The following CNTNAP2 variants were observed in gnomAD, a reference collection of about 807,000 sequenced individuals.
CNTNAP2 encodes contactin-associated protein-like 2.
Under a neutral mutation model 155.2 loss-of-function variants are expected in CNTNAP2, and 98 were observed. The observed-to-expected ratio is 0.63, with a 90% CI of 0.54 to 0.75. The LOEUF is 0.75. Among genes scored for constraint, CNTNAP2 ranks in the 30% least tolerant of loss-of-function variants. The pLI, the probability that CNTNAP2 is intolerant of heterozygous loss-of-function variation, is 0.00. For synonymous variants in CNTNAP2, 651 were observed against 631.2 expected, an observed-to-expected ratio of 1.03 and a Z score of -0.47; for missense variants, 1,727 against 1,688.1, an observed-to-expected ratio of 1.02 and a Z score of -0.40.
intron 8 of CNTNAP2, among the ~76,000 whole-genome samples, chr7:147,263,550 T>C (rs1031246182): frequency 6.6e-6 from 1 of 152,200 alleles, no homozygotes; most frequent in Admixed American, 6.5e-5. Flanking sequence ...TATTGATTTG[T>C]CATCTCCTTT....
rs531434526 is a variant in CNTNAP2 at position 146,519,037 on chromosome 7, G to A, written c.98-255234G>A. On this transcript the variant is annotated intron_variant, in intron 1 of 23. Transcript: ENST00000361727. ...CTACATTAAACAGTTTATAATAATCGTTGTTATGCTTTTTTGGATTCACAT... is the reference window on the plus strand; with the variant it reads ...CTACATTAAACAGTTTATAATAATCATTGTTATGCTTTTTTGGATTCACAT... 2.2e-4 allele frequency among the ~76,000 whole-genome samples: 34 copies of A among 151,922 alleles called. No homozygotes were observed. In the South Asian group the frequency reaches 5.8e-3, roughly 26 times the overall value.
chr7:147,785,766 T>C (rs1021394803), intron 13 of CNTNAP2, among the ~76,000 whole-genome samples: 2 of 152,076 alleles, frequency 1.3e-5, no homozygotes, highest in East Asian at 3.9e-4. Context: ...CCAAGGCATA[T>C]GGATCACCTG....
intron 13 of CNTNAP2, among the ~76,000 whole-genome samples, chr7:147,788,902 T>TTTA (rs1301515665): frequency 8.6e-6 from 1 of 115,926 alleles, no homozygotes; most frequent in Non-Finnish European, 1.9e-5. Context: ...TTCTTTTTCT[T>TTTA]TTTTTTTTTT....
intron 15 of CNTNAP2, among the ~76,000 whole-genome samples, chr7:148,117,642 A>G (rs965962155): frequency 1.5e-4 from 23 of 152,116 alleles, no homozygotes; most frequent in African/African-American, 5.6e-4. Context: ...ACCAGTACAT[A>G]TGCAGGAGTT....
At chr7:146,569,190 G>T (rs1798403936) in intron 1 of CNTNAP2, among the ~76,000 whole-genome samples, 1 of 151,914 alleles carries the variant, frequency 6.6e-6, no homozygotes, top group Admixed American at 6.6e-5. Context: ...CTAATTTTTT[G>T]TATTTTTAGT....
chr7:146,502,815 A>G (rs1229219494), intron 1 of CNTNAP2, among the ~76,000 whole-genome samples: 1 of 152,120 alleles, frequency 6.6e-6, no homozygotes, highest in Non-Finnish European at 1.5e-5. Context: ...AGGTTTTGTC[A>G]TGTTGGCCAG....
At chr7:147,054,334 G>A (rs1799522512) in intron 4 of CNTNAP2, among the ~76,000 whole-genome samples, 1 of 152,094 alleles carries the variant, frequency 6.6e-6, no homozygotes, top group Non-Finnish European at 1.5e-5. Flanking sequence ...AGAACAGCTT[G>A]CAAATAAACA....
At chr7:147,989,720 G>A (rs1389680300) in intron 15 of CNTNAP2, among the ~76,000 whole-genome samples, 1 of 152,136 alleles carries the variant, frequency 6.6e-6, no homozygotes, top group Non-Finnish European at 1.5e-5. Flanking sequence ...TGAGTCCCCA[G>A]GGACAATGTC....
intron 3 of CNTNAP2, among the ~76,000 whole-genome samples, chr7:146,901,946 G>A (rs1240438417): frequency 6.8e-6 from 1 of 147,794 alleles, no homozygotes; most frequent in Non-Finnish European, 1.5e-5. Context: ...TGCGATCTCG[G>A]CTCACTGCAA....
chr7:147,608,840 T>G (rs576475964), intron 12 of CNTNAP2, among the ~76,000 whole-genome samples: 1 of 151,816 alleles, frequency 6.6e-6, no homozygotes, highest in Middle Eastern at 3.4e-3. Context: ...GTGGGGCCGT[T>G]TTATAGGATT....
chr7:146,930,423 G>C (rs1011969579), intron 3 of CNTNAP2, among the ~76,000 whole-genome samples: 5 of 152,026 alleles, frequency 3.3e-5, no homozygotes, highest in African/African-American at 4.8e-5. Flanking sequence ...TGCCCTAAAA[G>C]AGCTCCTGAA....
chr7:146,325,280 A>C (rs1801077523), intron 1 of CNTNAP2, among the ~76,000 whole-genome samples: 1 of 152,186 alleles, frequency 6.6e-6, no homozygotes, highest in African/African-American at 2.4e-5. Context: ...AATCTTGATG[A>C]GTTTTAAAAA....
intron 13 of CNTNAP2, among the ~76,000 whole-genome samples, chr7:147,644,020 A>G (rs1795326591): frequency 6.6e-6 from 1 of 152,328 alleles, no homozygotes; most frequent in Middle Eastern, 3.4e-3. Flanking sequence ...GCCAGTATTT[A>G]TGGTCATGTC....
intron 3 of CNTNAP2, among the ~76,000 whole-genome samples, chr7:146,961,291 G>T (rs749683148): frequency 6.6e-6 from 1 of 152,126 alleles, no homozygotes; most frequent in Non-Finnish European, 1.5e-5. Flanking sequence ...TCCGGGGCAG[G>T]TCCCCTAGGT....
intron 11 of CNTNAP2, among the ~76,000 whole-genome samples, chr7:147,495,104 A>G (rs1798679521): frequency 6.6e-6 from 1 of 152,220 alleles, no homozygotes; most frequent in South Asian, 2.1e-4. Context: ...TAATAAAAGC[A>G]TTAATACATT....
chr7:147,637,736 G>T (rs993725808), intron 12 of CNTNAP2, among the ~76,000 whole-genome samples: 1 of 152,108 alleles, frequency 6.6e-6, no homozygotes, highest in African/African-American at 2.4e-5. Flanking sequence ...ATTCATGCTT[G>T]ATTTTTATCA....
At chr7:146,475,003 G>GCA (rs1554438417) in intron 1 of CNTNAP2, among the ~76,000 whole-genome samples, 13 of 123,640 alleles carry the variant, frequency 1.1e-4, no homozygotes, top group Admixed American at 8.1e-4. Flanking sequence ...GCGCGCACGC[G>GCA]CGCGCGCGCG....
intron 13 of CNTNAP2, among the ~76,000 whole-genome samples, chr7:147,691,613 G>A (rs556601900): frequency 5.1e-4 from 77 of 152,142 alleles, no homozygotes; most frequent in Admixed American, 1.4e-3. Flanking sequence ...ACACATTTGC[G>A]GTGTCAAGAG....
chr7:147,626,213 G>A (rs577705336), intron 12 of CNTNAP2, among the ~76,000 whole-genome samples: 34 of 152,144 alleles, frequency 2.2e-4, no homozygotes, highest in East Asian at 1.4e-3. Context: ...CACAGGAGCC[G>A]CAGCCAATGG....
Sources: gnomAD v4.1 joint callset for allele counts (sites outside exome capture counted in the v4.1 genomes callset) on GRCh38, gnomAD v4.1.1 for gene constraint, MANE v1.5 for transcripts, NCBI Gene and HGNC (gene_info 2026-07-23, HGNC 2026-07-21) for gene names.